SNAP47: variants seen among roughly 807,000 people sequenced by gnomAD.
SNAP47 encodes the protein synaptosome associated protein 47.
Under a neutral mutation model 31.4 loss-of-function variants are expected in SNAP47, and 20 were observed. The ratio of observed to expected loss-of-function variants is 0.64; its 90% confidence interval spans 0.45 to 0.93. SNAP47 has a LOEUF of 0.93. Among genes scored for constraint, SNAP47 ranks in the 40% least tolerant of loss-of-function variants. The probability of loss-of-function intolerance (pLI) is 0.00; values close to 1 mark genes in which losing one functional copy is unlikely to be tolerated. For synonymous variants in SNAP47, 194 were observed against 213.4 expected, an observed-to-expected ratio of 0.91 and a Z score of 0.79; for missense variants, 492 against 528.5, an observed-to-expected ratio of 0.93 and a Z score of 0.68.
intron 2 of SNAP47, among the ~76,000 whole-genome samples, chr1:227,749,171 G>T (rs1662178081): frequency 6.6e-6 from 1 of 152,228 alleles, no homozygotes; most frequent in South Asian, 2.1e-4. Context: ...ATGGTTTCTG[G>T]GTTTTCAAGG....
upstream of SNAP47, chr1:227,732,278 AGCCTCGACAGGGGTGG>A (rs1334392382): frequency 7.9e-7 from 1 of 1,269,370 alleles, no homozygotes; most frequent in African/African-American, 1.5e-5. Flanking sequence ...CCAGGCCACA[AGCCTCGACAGGGGTGG>A]GCCCCAGGTC....
At position 227,780,626 on chromosome 1, in the gene SNAP47, A is replaced by G. The variant is rs369891257; in HGVS notation, c.1213A>G (p.Thr405Ala). The stretch of plus-strand genomic sequence containing the variant: ...CGTTGCAGCAGCTGTGGACAGGGCA[A>G]CCTTGACCATCGACAAGCACAACAG... ...DGVAAAVDRATLTIDKHNRRM... is the reference protein window; with the variant it reads ...DGVAAAVDRAALTIDKHNRRM... Residue 405 changes from threonine (T) to alanine (A), a missense_variant, in exon 5 of 5, where the codon ACC (threonine) becomes GCC (alanine). By Grantham distance (58) the Thr-to-Ala change is moderately conservative. Coordinates refer to ENST00000617596, the MANE Select transcript of SNAP47 (RefSeq NM_053052.4). 61 of 1,614,084 alleles carry G rather than the reference A, an allele frequency of 3.8e-5. No individual in the cohort carries two copies. Among genetic ancestry groups the G allele is most frequent in the Admixed American group, 3.3e-5 (2 of 60,008 alleles).
At position 227,763,630 on chromosome 1, in the gene SNAP47, C is replaced by G. The variant is rs1663203184; in HGVS notation, c.989-3329C>G. On this transcript the variant is annotated intron_variant, in intron 3 of 4. Coordinates refer to ENST00000617596, the MANE Select transcript of SNAP47 (RefSeq NM_053052.4). The surrounding 1 kb of genome is among the most constrained non-coding windows in gnomAD (Gnocchi z 4.2). ...GCCTGGGGGTACTGCATCAGCTGGC[C>G]TGGAGCCTATCAGAGGATGCCGCTC... Among the ~76,000 whole-genome samples the G allele has an allele frequency of 1.3e-5, 2 of 152,180 alleles. No individual in the cohort carries two copies. Among genetic ancestry groups the G allele is most frequent in the African/African-American group, 4.8e-5 (2 of 41,444 alleles).
intron 4 of SNAP47, among the ~76,000 whole-genome samples, chr1:227,774,963 A>T (rs934359082): frequency 5.3e-5 from 8 of 152,190 alleles, no homozygotes; most frequent in African/African-American, 1.9e-4. Flanking sequence ...TTTCCTGTGC[A>T]CGCCTGGAGT....
upstream of SNAP47, chr1:227,733,519 G>T (rs538931497): frequency 6.2e-7 from 1 of 1,602,270 alleles, no homozygotes; most frequent in African/African-American, 1.3e-5. Flanking sequence ...GTGGGTGCAG[G>T]TGTGTGTCGC....
At chr1:227,733,939 G>A (rs779350354), upstream of SNAP47, 2 of 1,613,930 alleles carry the variant, frequency 1.2e-6, no homozygotes, top group Non-Finnish European at 1.7e-6. Flanking sequence ...AGACAAAGCG[G>A]TAGTCATCCA....
chr1:227,733,193 C>G, upstream of SNAP47: 2 of 894,348 alleles, frequency 2.2e-6, no homozygotes, highest in Admixed American at 2.7e-5. Flanking sequence ...GTGGCGGGCT[C>G]GGACCACCTC....
At chr1:227,734,968 G>A, upstream of SNAP47, 1 of 1,500,870 alleles carries the variant, frequency 6.7e-7, no homozygotes, top group Non-Finnish European at 8.9e-7. Flanking sequence ...CCTGGGTCCC[G>A]CCGGCCTTTC....
At chr1:227,751,384 C>G (rs563950683) in intron 2 of SNAP47, among the ~76,000 whole-genome samples, 2 of 152,210 alleles carry the variant, frequency 1.3e-5, no homozygotes, top group Admixed American at 1.3e-4. Context: ...TCCTCAGCAC[C>G]CCCATTCTTG....
chr1:227,777,112 A>C, intron 4 of SNAP47: 1 of 921,840 alleles, frequency 1.1e-6, no homozygotes, highest in Non-Finnish European at 1.3e-6. Flanking sequence ...TCTTTTTTAA[A>C]AAAAAAAGTT....
At chr1:227,752,469 C>T (rs1304629787) in intron 2 of SNAP47, among the ~76,000 whole-genome samples, 1 of 152,156 alleles carries the variant, frequency 6.6e-6, no homozygotes, top group Non-Finnish European at 1.5e-5. Flanking sequence ...TCTTTAGGTC[C>T]CACATGCGTC....
At position 227,748,365 on chromosome 1, in the gene SNAP47, C is replaced by T. The variant is rs1383538878; in HGVS notation, c.497+132C>T. ...AGCATTCTGAGATCCTGGCTGTGCA[C>T]CTGCTGTACATGCTTAGTGGGTACG... On this transcript the variant is annotated intron_variant, in intron 2 of 4. Coordinates refer to ENST00000617596, the MANE Select transcript of SNAP47 (RefSeq NM_053052.4). 1.7e-5 allele frequency: 18 copies of T among 1,034,076 alleles called. No homozygotes were observed. In the Middle Eastern group the frequency reaches 1.3e-3, roughly 74 times the overall value. 64.1% of individuals were successfully genotyped at this position (1,034,076 alleles called of 1,614,324 possible). A position where few individuals can be genotyped will look rare whatever the true frequency, so the allele number is the denominator to read the frequency against.
intron 2 of SNAP47, among the ~76,000 whole-genome samples, chr1:227,748,450 A>T (rs1359268679): frequency 6.6e-6 from 1 of 152,230 alleles, no homozygotes; most frequent in Admixed American, 6.5e-5. Flanking sequence ...CTCTGCTGGA[A>T]ACACACCGTG....
chr1:227,734,046 G>C (rs747301767), upstream of SNAP47: 2 of 1,610,360 alleles, frequency 1.2e-6, no homozygotes, highest in East Asian at 2.2e-5. Flanking sequence ...TGAGGAGGGC[G>C]CAAGGGCACC....
intron 4 of SNAP47, 134 bp downstream of exon 4, chr1:227,767,217 T>TGGA: frequency 7.6e-7 from 1 of 1,323,594 alleles, no homozygotes; most frequent in Non-Finnish European, 1.0e-6. Flanking sequence ...GAGGAGCTGC[T>TGGA]GGCCTCCACT....
chr1:227,735,744 G>A (rs1661092064), intron 1 of SNAP47: 2 of 977,606 alleles, frequency 2.0e-6, no homozygotes, highest in Non-Finnish European at 2.4e-6. Flanking sequence ...GGACCCAGAG[G>A]GAGAGCTGGG....
intron 1 of SNAP47, among the ~76,000 whole-genome samples, chr1:227,739,492 G>A (rs759789306): frequency 9.2e-5 from 14 of 152,228 alleles, no homozygotes; most frequent in Non-Finnish European, 1.8e-4. Flanking sequence ...GAGGAGCAGG[G>A]GAGGGGAGCC....
upstream of SNAP47, chr1:227,734,762 G>T: frequency 6.2e-7 from 1 of 1,614,116 alleles, no homozygotes; most frequent in Non-Finnish European, 8.5e-7. Context: ...GTGCTCTTTG[G>T]GGTTCGAGTT....
chr1:227,749,383 TC>T (rs2102923034), intron 2 of SNAP47, among the ~76,000 whole-genome samples: 1 of 152,272 alleles, frequency 6.6e-6, no homozygotes, highest in South Asian at 2.1e-4. Context: ...CAGTCCCTCT[TC>T]TGGGATCCGG....
Sources: allele counts gnomAD v4.1 joint callset (sites outside exome capture counted in the v4.1 genomes callset), GRCh38; gene constraint gnomAD v4.1.1; non-coding constraint Gnocchi (gnomAD v3.1); transcripts MANE v1.5; gene names NCBI Gene and HGNC (gene_info 2026-07-23, HGNC 2026-07-21).